The following SMYD3 variants were observed in gnomAD, a reference collection of about 807,000 sequenced individuals.
SMYD3 encodes histone-lysine N-methyltransferase SMYD3.
Under a neutral mutation model 57.7 loss-of-function variants are expected in SMYD3, and 36 were observed. That is an observed-to-expected ratio of 0.62 (90% CI 0.48 to 0.82). The LOEUF (loss-of-function observed/expected upper bound fraction) is 0.82. SMYD3 is among the 40% of genes least tolerant of loss of function. SMYD3 has a pLI of 0.00. For synonymous variants in SMYD3, 211 were observed against 195.0 expected (o/e 1.08, Z -0.68); for missense variants, 515 against 538.8 (o/e 0.96, Z 0.44).
chr1:245,776,175 T>C (rs1453021177), intron 10 of SMYD3, among the ~76,000 whole-genome samples: 1 of 151,424 alleles, frequency 6.6e-6, no homozygotes, highest in Non-Finnish European at 1.5e-5. Context: ...CAATATGTGA[T>C]TTATTTAATA....
chr1:246,048,165 T>C (rs144650956), intron 5 of SMYD3, among the ~76,000 whole-genome samples: 7 of 152,312 alleles, frequency 4.6e-5, no homozygotes, highest in Admixed American at 3.3e-4. Flanking sequence ...GTATATAAAA[T>C]GGTCTTCAAC....
intron 1 of SMYD3, among the ~76,000 whole-genome samples, chr1:246,371,270 G>A (rs986910332): frequency 7.9e-5 from 12 of 152,112 alleles, no homozygotes; most frequent in African/African-American, 2.7e-4. Context: ...ATTAAGAATC[G>A]GTATTAAAAT....
intron 5 of SMYD3, among the ~76,000 whole-genome samples, chr1:246,279,419 G>A (rs1031394600): frequency 4.1e-4 from 62 of 152,296 alleles, no homozygotes; most frequent in African/African-American, 1.4e-3. Context: ...TACTTGGGAG[G>A]CTGAGGCAGG....
chr1:246,038,299 G>A (rs2059811871), intron 5 of SMYD3, among the ~76,000 whole-genome samples: 1 of 152,072 alleles, frequency 6.6e-6, no homozygotes, highest in Non-Finnish European at 1.5e-5. Flanking sequence ...TAAAACCACA[G>A]GAAACTCAAA....
intron 5 of SMYD3, among the ~76,000 whole-genome samples, chr1:246,088,609 CA>C (rs1190052761): frequency 1.9e-5 from 1 of 54,050 alleles, no homozygotes; most frequent in Non-Finnish European, 4.1e-5. Context: ...GACTCCGTCT[CA>C]AAGAAAAAAA....
At position 245,846,498 on chromosome 1, in the gene SMYD3, G is replaced by C. The variant is rs1404551361; in HGVS notation, c.1076+11998C>G. ...AATCTGGGTTCAGGCTGACTCAAATGCTTTAAAAAATTATAGCCAAAATAA... is the reference window on the plus strand; with the variant it reads ...AATCTGGGTTCAGGCTGACTCAAATCCTTTAAAAAATTATAGCCAAAATAA... On this transcript the variant is annotated intron_variant, in intron 10 of 11. Coordinates refer to ENST00000490107, the MANE Select transcript of SMYD3 (RefSeq NM_001167740.2). 2.0e-5 allele frequency among the ~76,000 whole-genome samples: 3 copies of C among 152,314 alleles called. No individual in the cohort carries two copies. In the East Asian group the frequency reaches 5.8e-4, roughly 29 times the overall value.
chr1:246,168,215 G>A (rs1021609385), intron 5 of SMYD3, among the ~76,000 whole-genome samples: 1 of 152,070 alleles, frequency 6.6e-6, no homozygotes, highest in African/African-American at 2.4e-5. Context: ...ACATAGAAAA[G>A]CTATAAAATG....
At chr1:246,054,990 A>G (rs1352419063) in intron 5 of SMYD3, among the ~76,000 whole-genome samples, 3 of 151,732 alleles carry the variant, frequency 2.0e-5, no homozygotes, top group Admixed American at 6.6e-5. Context: ...CCTGGCTAAC[A>G]TGGTGAAATC....
chr1:245,905,851 C>T (rs972976433), intron 8 of SMYD3, among the ~76,000 whole-genome samples: 39 of 152,166 alleles, frequency 2.6e-4, no homozygotes, highest in African/African-American at 9.2e-4. Flanking sequence ...AATATACACA[C>T]CTATGGTGAA....
chr1:246,434,509 A>T lies in SMYD3; in HGVS notation c.164+72545T>A, dbSNP rs562634441. Among the ~76,000 whole-genome samples, 18 of 152,374 alleles carry T rather than the reference A, an allele frequency of 1.2e-4. No individual in the cohort carries two copies. In the East Asian group the frequency reaches 3.5e-3, roughly 29 times the overall value. ...CAAATATATGAATAGACACTTCTCAAATGAAGACACACAAGCGGCAGACAA... is the reference window on the plus strand; with the variant it reads ...CAAATATATGAATAGACACTTCTCATATGAAGACACACAAGCGGCAGACAA... On this transcript the variant is annotated intron_variant, in intron 1 of 11. Transcript: ENST00000490107.
chr1:245,931,404 G>A (rs2056709953), intron 5 of SMYD3, among the ~76,000 whole-genome samples: 1 of 152,194 alleles, frequency 6.6e-6, no homozygotes, highest in Non-Finnish European at 1.5e-5. Context: ...TAATGCTCGA[G>A]TTTTTGGCCG....
intron 8 of SMYD3, among the ~76,000 whole-genome samples, chr1:245,892,364 A>G (rs928297424): frequency 3.9e-5 from 6 of 152,236 alleles, no homozygotes; most frequent in African/African-American, 1.4e-4. Flanking sequence ...TATCTAATTG[A>G]ACCCTTAAAG....
At chr1:245,823,825 T>C (rs1023217612) in intron 10 of SMYD3, among the ~76,000 whole-genome samples, 1 of 152,192 alleles carries the variant, frequency 6.6e-6, no homozygotes, top group African/African-American at 2.4e-5. Context: ...TGCTCCAGGA[T>C]AAAACTGCAC....
chr1:246,493,674 A>T (rs1157856051), intron 1 of SMYD3, among the ~76,000 whole-genome samples: 1 of 152,010 alleles, frequency 6.6e-6, no homozygotes, highest in Non-Finnish European at 1.5e-5. Context: ...CCAATAGTTC[A>T]AAACCCAGCA....
chr1:246,395,843 G>A (rs2066661463), intron 1 of SMYD3, among the ~76,000 whole-genome samples: 3 of 151,960 alleles, frequency 2.0e-5, no homozygotes, highest in Admixed American at 2.0e-4. Context: ...ACCACTGTCA[G>A]GGGAGAGGAG....
intron 5 of SMYD3, among the ~76,000 whole-genome samples, chr1:246,218,777 G>A (rs948916552): frequency 1.2e-4 from 18 of 152,112 alleles, no homozygotes; most frequent in African/African-American, 3.4e-4. Flanking sequence ...TAATACTCAC[G>A]GGTATCTTAG....
chr1:246,155,193 G>A (rs2062004524), intron 5 of SMYD3, among the ~76,000 whole-genome samples: 1 of 152,112 alleles, frequency 6.6e-6, no homozygotes, highest in South Asian at 2.1e-4. Flanking sequence ...GAAATAAAAT[G>A]AGAAATTTAA....
At chr1:245,949,259 G>A (rs1057465042) in intron 5 of SMYD3, among the ~76,000 whole-genome samples, 8 of 152,104 alleles carry the variant, frequency 5.3e-5, no homozygotes, top group African/African-American at 1.4e-4. Context: ...ACTTGCTAAC[G>A]TGGATGCCAG....
chr1:245,927,565 C>T lies in SMYD3; in HGVS notation c.702+366G>A, dbSNP rs114972604. Among the ~76,000 whole-genome samples the T allele has an allele frequency of 4.1e-3, 626 of 152,192 alleles. 3 individuals are homozygous for T. The highest frequency in any genetic ancestry group is 0.014 in the African/African-American group (595 of 41,476). ...CCACTCACAAGCTGGGATGCCCCCC[C>T]CTGCCCACGGAAGGATATGAGAGGC... On this transcript the variant is annotated intron_variant, in intron 7 of 11. Coordinates refer to ENST00000490107, the MANE Select transcript of SMYD3 (RefSeq NM_001167740.2).
Sources: allele counts gnomAD v4.1 joint callset (sites outside exome capture counted in the v4.1 genomes callset), GRCh38; gene constraint gnomAD v4.1.1; transcripts MANE v1.5; gene names NCBI Gene and HGNC (gene_info 2026-07-23, HGNC 2026-07-21).